SOCS7: variants seen among roughly 807,000 people sequenced by gnomAD.
SOCS7 encodes NAP-4.
A neutral mutation model predicts 58.9 loss-of-function variants in SOCS7; 18 were observed. That is an observed-to-expected ratio of 0.31 (90% CI 0.21 to 0.45). The LOEUF is 0.45. Among genes scored for constraint, SOCS7 ranks in the 20% least tolerant of loss-of-function variants. The pLI is 1.00. For missense variants in SOCS7, 667 were observed against 837.3 expected (o/e 0.80, Z 2.51); for synonymous variants, 388 against 364.3 (o/e 1.06, Z -0.74).
In SOCS7 at chr17:38,367,981, C is replaced by T. The variant is rs764813391; in HGVS notation, c.1483C>T (p.Arg495Cys). Residue 495 changes from arginine to cysteine, a missense_variant, in exon 6 of 10, where the codon CGT (arginine) becomes TGT (cysteine). Around this residue, in one of 9 missense-constraint regions of SOCS7, gnomAD observed 76 missense variants for 194.5 expected, o/e 0.39. Coordinates refer to ENST00000612932, the MANE Select transcript of SOCS7 (RefSeq NM_014598.4). ...CCTGGTACGAGACAGTTCTGATCCTCGTTACATCCTGAGCCTCAGTTTCCG... is the reference window on the plus strand; with the variant it reads ...CCTGGTACGAGACAGTTCTGATCCTTGTTACATCCTGAGCCTCAGTTTCCG... ...SFLVRDSSDP[R>C]YILSLSFRSQ... The T allele has an allele frequency of 2.5e-6, 4 of 1,614,104 alleles. No homozygotes were observed. The highest frequency in any genetic ancestry group is 2.2e-5 in the South Asian group (2 of 91,074).
At position 38,352,144 on chromosome 17, in the gene SOCS7, C is replaced by T. The variant is rs1444220136; in HGVS notation, c.92C>T (p.Ala31Val). 3 of 1,128,756 alleles carry T rather than the reference C, an allele frequency of 2.7e-6. No individual in the cohort carries two copies. The highest frequency in any genetic ancestry group is 3.3e-6 in the Non-Finnish European group (3 of 896,858). The allele number at this position is 1,128,756 out of a possible 1,614,324, so 69.9% of individuals were successfully genotyped here. The change falls in exon 1 of 10, where the codon GCC becomes GTC. Residue 31 changes from alanine to valine, a missense_variant. This residue lies in a region of SOCS7 where 65 missense variants were observed against 51.0 expected (regional missense o/e 1.27). Transcript: ENST00000612932. This position sits in a 1 kb window ranked among gnomAD's most constrained non-coding sequence, Gnocchi z 5.5. ...CGCCTCCTTGGCTATGGAGAGGCGG[C>T]CCCCGAGCCAGGCCCTCCGCCACCG... is the stretch of plus-strand genomic sequence containing the variant. Reference protein sequence around the residue: ...LSRLLGYGEAAPEPGPPPPPP... With the variant: ...LSRLLGYGEAVPEPGPPPPPP...
intron 6 of SOCS7, chr17:38,375,722 A>G (rs1490962606): frequency 1.3e-5 from 2 of 152,058 alleles, no homozygotes; most frequent in Non-Finnish European, 2.9e-5. Context: ...CACATTATTC[A>G]AGGGTCAGTT....
intron 9 of SOCS7, among the ~76,000 whole-genome samples, chr17:38,396,369 A>G (rs993909267): frequency 2.0e-5 from 3 of 152,222 alleles, no homozygotes; most frequent in Non-Finnish European, 4.4e-5. Flanking sequence ...GATCTCCCTG[A>G]TACTGCACAA....
chr17:38,393,881 C>T (rs548624724), intron 7 of SOCS7, among the ~76,000 whole-genome samples: 1 of 151,966 alleles, frequency 6.6e-6, no homozygotes, highest in African/African-American at 2.4e-5. Context: ...GCCTGGGCGA[C>T]AGAGCAAGAC....
chr17:38,390,932 G>A (rs1250789557), intron 7 of SOCS7, among the ~76,000 whole-genome samples: 11 of 151,994 alleles, frequency 7.2e-5, no homozygotes, highest in Non-Finnish European at 1.6e-4. Context: ...TTTGGCTCAA[G>A]CCATCCACCT....
chr17:38,392,279 G>A (rs1417355117), intron 7 of SOCS7, among the ~76,000 whole-genome samples: 1 of 152,230 alleles, frequency 6.6e-6, no homozygotes, highest in Non-Finnish European at 1.5e-5. Context: ...GCAAGTATAT[G>A]TGGTCATTAA....
chr17:38,393,500 G>A (rs1429700403), intron 7 of SOCS7, among the ~76,000 whole-genome samples: 1 of 152,088 alleles, frequency 6.6e-6, no homozygotes, highest in Non-Finnish European at 1.5e-5. Flanking sequence ...AGCTGGGTGT[G>A]GTGGCGGGCG....
chr17:38,401,534 T>C lies in SOCS7; in HGVS notation c.*2052T>C, dbSNP rs1035315503. ...TGTGTGCCTGGCTTTGCGCTAGATA[T>C]TGTAGAAAACAAAAAAGGTAAAAGA... On this transcript the variant is annotated 3_prime_UTR_variant, in exon 10 of 10. Transcript: ENST00000612932. 3 of 152,078 alleles carry C rather than the reference T, an allele frequency of 2.0e-5. No homozygotes were observed. The highest frequency in any genetic ancestry group is 2.9e-5 in the Non-Finnish European group (2 of 68,030). The allele number at this position is 152,078 out of a possible 1,614,324, so 9.4% of individuals were successfully genotyped here. A position where few individuals can be genotyped will look rare whatever the true frequency, so the allele number is the denominator to read the frequency against.
intron 9 of SOCS7, among the ~76,000 whole-genome samples, 175 bp from the exon 10 acceptor site, chr17:38,399,338 C>T (rs1251310464): frequency 1.3e-5 from 2 of 152,184 alleles, no homozygotes; most frequent in Non-Finnish European, 2.9e-5. Context: ...GTCCCCCTGA[C>T]AAAGGCCACT....
At chr17:38,353,146 A>G in intron 1 of SOCS7, 114 bp downstream of exon 1, 1 of 1,039,878 alleles carries the variant, frequency 9.6e-7, no homozygotes, top group Non-Finnish European at 1.4e-6. Flanking sequence ...AGGAGGAGGC[A>G]GAGACTTGGG....
At position 38,371,402 on chromosome 17, in the gene SOCS7, G is replaced by A. The variant is rs150637127; in HGVS notation, c.1552+3352G>A. 7.4e-3 allele frequency among the ~76,000 whole-genome samples: 1,123 copies of A among 152,196 alleles called. 5 individuals carry two copies. The highest frequency in any genetic ancestry group is 0.012 in the Non-Finnish European group (827 of 68,010). ...CAATTCTCCTGCCTCAGCCTCCTGA[G>A]TAGTTCCTGGACGCGTGCCACCACG... On this transcript the variant is annotated intron_variant, in intron 6 of 9. Coordinates refer to ENST00000612932, the MANE Select transcript of SOCS7 (RefSeq NM_014598.4).
At chr17:38,376,735 A>G (rs2037936261) in intron 6 of SOCS7, among the ~76,000 whole-genome samples, 1 of 152,040 alleles carries the variant, frequency 6.6e-6, no homozygotes, top group African/African-American at 2.4e-5. Context: ...CTGTCGCAAA[A>G]AAAAAAAAAA....
At chr17:38,355,195 TA>T (rs1233209174) in intron 1 of SOCS7, among the ~76,000 whole-genome samples, 1 of 152,218 alleles carries the variant, frequency 6.6e-6, no homozygotes, top group Non-Finnish European at 1.5e-5. Flanking sequence ...CAACATCAGC[TA>T]GGAGATGACC....
At chr17:38,389,886 CATAT>C (rs1237921307) in intron 7 of SOCS7, among the ~76,000 whole-genome samples, 1 of 83,352 alleles carries the variant, frequency 1.2e-5, no homozygotes, top group Non-Finnish European at 2.1e-5. Flanking sequence ...TATATATGTA[CATAT>C]ATATATATAC....
chr17:38,371,255 A>G (rs1328068563), intron 6 of SOCS7, among the ~76,000 whole-genome samples: 1 of 149,684 alleles, frequency 6.7e-6, no homozygotes, highest in African/African-American at 2.5e-5. Flanking sequence ...CTGGGATTAC[A>G]GATGGGTGCC....
intron 1 of SOCS7, 51 bp from the exon 2 acceptor site, chr17:38,361,660 A>G (rs762677439): frequency 6.5e-6 from 9 of 1,379,956 alleles, no homozygotes; most frequent in Admixed American, 3.4e-5. Context: ...ACTTAAATGC[A>G]TATGTGTTCA....
At chr17:38,397,787 T>C (rs565202959) in intron 9 of SOCS7, among the ~76,000 whole-genome samples, 2 of 152,318 alleles carry the variant, frequency 1.3e-5, no homozygotes, top group East Asian at 1.9e-4. Flanking sequence ...CATAAATGAA[T>C]GGGCTAATTT....
In SOCS7 at chr17:38,352,992, G is replaced by A. The variant is rs2037580256; in HGVS notation, c.940G>A (p.Asp314Asn). ...ELAASAASLT[D>N]MGGSAGRELD... Reference sequence around the variant, plus strand: ...GGCTGCTTCAGCTGCGAGCCTGACAGACATGGGAGGCTCTGCGGGCCGGGA... The same window carrying A: ...GGCTGCTTCAGCTGCGAGCCTGACAAACATGGGAGGCTCTGCGGGCCGGGA... The change falls in exon 1 of 10, where the codon GAC becomes AAC. Residue 314 changes from aspartate (D) to asparagine (N), a missense_variant. By Grantham distance (23) the Asp-to-Asn change is conservative. Transcript: ENST00000612932. This position sits in a 1 kb window ranked among gnomAD's most constrained non-coding sequence, Gnocchi z 5.5. 1 of 1,603,436 alleles carries A rather than the reference G, an allele frequency of 6.2e-7. No homozygotes were observed.
In SOCS7 at chr17:38,352,081, A is replaced by AGGC. The variant is rs565338852; in HGVS notation, c.42_44dup (p.Ala16dup). The AGGC allele has an allele frequency of 1.3e-5, 4 of 298,136 alleles. No individual in the cohort carries two copies. The highest frequency in any genetic ancestry group is 6.1e-5 in the Admixed American group (1 of 16,472). 18.5% of individuals were successfully genotyped at this position (298,136 alleles called of 1,614,324 possible). ...CAGGAGGCCGAGCTCCGGGATGGCG[A>AGGC]GGCGGCGGCGGCGGCCGCTTCGTAC... On this transcript the variant is annotated inframe_insertion, in exon 1 of 10. Coordinates refer to ENST00000612932, the MANE Select transcript of SOCS7 (RefSeq NM_014598.4). The surrounding 1 kb of genome is among the most constrained non-coding windows in gnomAD (Gnocchi z 5.5).
Sources: gnomAD v4.1 joint callset for allele counts (sites outside exome capture counted in the v4.1 genomes callset) on GRCh38, gnomAD v4.1.1 for gene constraint, gnomAD v4.1.1 regional missense constraint, Gnocchi (gnomAD v3.1) non-coding constraint, MANE v1.5 for transcripts, NCBI Gene and HGNC (gene_info 2026-07-23, HGNC 2026-07-21) for gene names.